Variants in TLCD1 observed in about 807,000 individuals in gnomAD.
TLCD1 encodes TLC domain containing 1.
TLCD1 carries 21 observed loss-of-function variants against 21.2 expected under a neutral mutation model. That is an observed-to-expected ratio of 0.99 (90% CI 0.70 to 1.42). The LOEUF (loss-of-function observed/expected upper bound fraction) is 1.42. Ranked by LOEUF, TLCD1 falls within the 40% of genes most tolerant of loss-of-function variation. The pLI is 0.00. For missense variants in TLCD1, 344 were observed against 330.3 expected, an observed-to-expected ratio of 1.04 and a Z score of -0.32; for synonymous variants, 168 against 134.8, an observed-to-expected ratio of 1.25 and a Z score of -1.71.
chr17:28,726,921 C>A, upstream of TLCD1: 2 of 1,082,782 alleles, frequency 1.8e-6, no homozygotes, highest in South Asian at 1.3e-5. Context: ...CAAGCAAGAC[C>A]TCCGATTTGC....
chr17:28,725,974 T>C lies in TLCD1; in HGVS notation c.124A>G (p.Thr42Ala). 6.2e-7 allele frequency: 1 copy of C among 1,612,220 alleles called. No homozygotes were observed. The highest frequency in any genetic ancestry group is 8.5e-7 in the Non-Finnish European group (1 of 1,179,622). Reference protein sequence around the residue: ...PVHVRADPLRTWRWHNLLVSF... With the variant: ...PVHVRADPLRAWRWHNLLVSF... The stretch of plus-strand genomic sequence containing the variant: ...ACGAGCAGGTTGTGCCAGCGCCAGG[T>C]GCGCAGGGGGTCGGCGCGCACGTGC... The change falls in exon 1 of 4, where the codon ACC (threonine) becomes GCC (alanine). Residue 42 changes from threonine to alanine, a missense_variant. Physicochemically the swap from Thr to Ala is moderately conservative, Grantham distance 58. Coordinates refer to ENST00000292090, the MANE Select transcript of TLCD1 (RefSeq NM_138463.4).
Position 28,724,831 on chromosome 17 carries a change from T to A in TLCD1, c.423A>T (p.Thr141=). Residue 141 remains threonine (T), a synonymous_variant, in exon 4 of 4, where the codon ACA becomes ACT. Transcript: ENST00000292090. ...AGATGTTGCTGACTTCCACCAGTAG[T>A]GTTAAGACACCCCCACCGACAAAGC... ...WSSFVGGGVL[T]LLVEVSNIFL... is the part of the protein sequence containing the mutation. The A allele has an allele frequency of 6.2e-7, 1 of 1,613,742 alleles. No homozygotes were observed. The highest frequency in any genetic ancestry group is 8.5e-7 in the Non-Finnish European group (1 of 1,179,948).
upstream of TLCD1, chr17:28,726,991 T>A: frequency 3.1e-6 from 2 of 636,108 alleles, no homozygotes; most frequent in South Asian, 3.6e-5. Flanking sequence ...TTGCGGCTCC[T>A]AGCCACTAGG....
chr17:28,726,712 C>T, upstream of TLCD1: 1 of 1,541,252 alleles, frequency 6.5e-7, no homozygotes, highest in Non-Finnish European at 8.8e-7. Context: ...CCCAGTGCCC[C>T]TACCGCACCA....
rs767749919 is a variant in TLCD1, at chr17:28,724,466, G to A, written c.*44C>T. 5.0e-6 allele frequency: 8 copies of A among 1,591,866 alleles called. No homozygotes were observed. Among genetic ancestry groups the A allele is most frequent in the African/African-American group, 4.0e-5 (3 of 74,542 alleles). ...TAAGTCCCAGTGTCCATATGAAGCT[G>A]TTTCTGGCCTTGTCCGTTTTTGTTG... On this transcript the variant is annotated 3_prime_UTR_variant, in exon 4 of 4. Coordinates refer to ENST00000292090, the MANE Select transcript of TLCD1 (RefSeq NM_138463.4).
At chr17:28,726,978 C>T (rs1439123420), upstream of TLCD1, 4 of 663,628 alleles carry the variant, frequency 6.0e-6, no homozygotes, top group Admixed American at 7.1e-5. Context: ...TAGCTTGCAG[C>T]AGTTGCGGCT....
upstream of TLCD1, chr17:28,727,059 T>C: frequency 1.7e-6 from 1 of 577,872 alleles, no homozygotes. Flanking sequence ...GCGAGGCAGC[T>C]GCTTTCGGGG....
At chr17:28,727,235 A>G, upstream of TLCD1, 1 of 224,900 alleles carries the variant, frequency 4.4e-6, no homozygotes, top group Non-Finnish European at 9.2e-6. Context: ...AAGCCGAGAA[A>G]ACCTGAGGCG....
At chr17:28,726,470 T>C (rs989327211), upstream of TLCD1, among the ~76,000 whole-genome samples, 28 of 151,814 alleles carry the variant, frequency 1.8e-4, no homozygotes, top group East Asian at 5.3e-3. Context: ...CGCTGGCGCC[T>C]CCCGACTGCC....
chr17:28,724,771 A>G lies in TLCD1; in HGVS notation c.483T>C (p.Asn161=). 1.9e-6 allele frequency: 3 copies of G among 1,614,168 alleles called. No homozygotes were observed. Among genetic ancestry groups the G allele is most frequent in the South Asian group, 1.1e-5 (1 of 91,072 alleles). The part of the protein sequence containing the change: ...LTIRMMMKIS[N]AQDHLLYRVN... ...CCCGGTAGAGGAGATGATCCTGGGCATTACTGATTTTCATCATCATGCGAA... is the reference window on the plus strand; with the variant it reads ...CCCGGTAGAGGAGATGATCCTGGGCGTTACTGATTTTCATCATCATGCGAA... Residue 161 remains asparagine, a synonymous_variant, in exon 4 of 4, where the codon AAT becomes AAC. Coordinates refer to ENST00000292090, the MANE Select transcript of TLCD1 (RefSeq NM_138463.4).
Position 28,725,465 on chromosome 17 carries a change from C to G in TLCD1, c.277+16G>C. 2.5e-6 allele frequency: 4 copies of G among 1,614,198 alleles called. No homozygotes were observed. The highest frequency in any genetic ancestry group is 3.4e-6 in the Non-Finnish European group (4 of 1,180,016). ...CCTGTCCCCAATTTGCCTCCCGCTTCCTGGGCAAGACCTACCCGCAGAGAA... is the reference window on the plus strand; with the variant it reads ...CCTGTCCCCAATTTGCCTCCCGCTTGCTGGGCAAGACCTACCCGCAGAGAA... On this transcript the variant is annotated intron_variant, in intron 2 of 3. Transcript: ENST00000292090.
upstream of TLCD1, chr17:28,726,887 C>T: frequency 5.6e-6 from 8 of 1,419,908 alleles, no homozygotes; most frequent in Non-Finnish European, 6.7e-6. Flanking sequence ...TCCCGGCCCT[C>T]GGCCCGGCTC....
At chr17:28,726,736 G>C (rs1355668363), upstream of TLCD1, 1 of 1,548,044 alleles carries the variant, frequency 6.5e-7, no homozygotes, top group Non-Finnish European at 8.7e-7. Flanking sequence ...GCAGTCTTCT[G>C]GCCGGAGTCC....
At position 28,726,047 on chromosome 17, in the gene TLCD1, C is replaced by G. The variant is rs771035141; in HGVS notation, c.51G>C (p.Leu17=). The part of the protein sequence containing the change: ...PALPLLLGAT[L]TFRALRRALC... ...GCGCGCGCCGGAGCGCCCGGAAGGTCAGCGTGGCGCCCAGGAGCAGCGGCA... is the reference window on the plus strand; with the variant it reads ...GCGCGCGCCGGAGCGCCCGGAAGGTGAGCGTGGCGCCCAGGAGCAGCGGCA... Residue 17 remains leucine, a synonymous_variant, in exon 1 of 4, where the codon CTG becomes CTC. Coordinates refer to ENST00000292090, the MANE Select transcript of TLCD1 (RefSeq NM_138463.4). The G allele has an allele frequency of 6.4e-7, 1 of 1,565,956 alleles. No individual in the cohort carries two copies. Among genetic ancestry groups the G allele is most frequent in the South Asian group, 1.2e-5 (1 of 85,752 alleles).
At position 28,725,367 on chromosome 17, in the gene TLCD1, C is replaced by T; in HGVS notation, c.297G>A (p.Thr99=). The T allele has an allele frequency of 1.2e-6, 2 of 1,614,156 alleles. No individual in the cohort carries two copies. Among genetic ancestry groups the T allele is most frequent in the South Asian group, 1.1e-5 (1 of 91,078 alleles). ...TCTGTCCGCTAGCCACGATGTCCAC[C>T]GTATCGTGGATGAAATACCCTAGTG... ...CFSAGYFIHD[T]VDIVASGQTR... Residue 99 remains threonine, a synonymous_variant, in exon 3 of 4, where the codon ACG becomes ACA. Transcript: ENST00000292090.
At chr17:28,725,153 C>G (rs111304612) in intron 3 of TLCD1, 151 bp downstream of exon 3, 3 of 955,448 alleles carry the variant, frequency 3.1e-6, no homozygotes, top group African/African-American at 1.6e-5. Flanking sequence ...CAAGTACAGA[C>G]TGCCAACCTC....
At chr17:28,725,164 C>A (rs967458301) in intron 3 of TLCD1, 140 bp downstream of exon 3, 9 of 1,022,234 alleles carry the variant, frequency 8.8e-6, no homozygotes, top group Non-Finnish European at 1.3e-5. Context: ...TGCCAACCTC[C>A]AGCATCCTAG....
chr17:28,725,206 T>C, intron 3 of TLCD1, 98 bp downstream of exon 3: 1 of 1,374,888 alleles, frequency 7.3e-7, no homozygotes, highest in East Asian at 2.3e-5. Flanking sequence ...CGGGGGTGGG[T>C]GGTAAGAAAA....
chr17:28,724,374 T>C lies in TLCD1; in HGVS notation c.*136A>G, dbSNP rs1241133347. 1.8e-6 allele frequency: 2 copies of C among 1,138,832 alleles called. No individual in the cohort carries two copies. Among genetic ancestry groups the C allele is most frequent in the Non-Finnish European group, 1.2e-6 (1 of 800,748 alleles). 70.5% of individuals were successfully genotyped at this position (1,138,832 alleles called of 1,614,324 possible). On this transcript the variant is annotated 3_prime_UTR_variant, in exon 4 of 4. Coordinates refer to ENST00000292090, the MANE Select transcript of TLCD1 (RefSeq NM_138463.4). ...TCAGAGGAGTACTTTCATTAGTGTT[T>C]TCAATAGTGTGGGCGCAGGCTCAGA...
Sources: allele counts gnomAD v4.1 joint callset (sites outside exome capture counted in the v4.1 genomes callset), GRCh38; gene constraint gnomAD v4.1.1; transcripts MANE v1.5; gene names NCBI Gene and HGNC (gene_info 2026-07-23, HGNC 2026-07-21).